Variants in LGR4 observed in about 807,000 individuals in gnomAD.
The protein encoded by LGR4 is leucine rich repeat containing G protein-coupled receptor 4.
Under a neutral mutation model 84.8 loss-of-function variants are expected in LGR4, and 44 were observed. The observed-to-expected ratio is 0.52, with a 90% CI of 0.41 to 0.67. The LOEUF is 0.67. Among genes scored for constraint, LGR4 ranks in the 30% least tolerant of loss-of-function variants. The pLI is 0.00. For synonymous variants in LGR4, 429 were observed against 434.3 expected (o/e 0.99, Z 0.15); for missense variants, 1,032 against 1,131.4 (o/e 0.91, Z 1.26).
rs565257779 is a variant in LGR4, at chr11:27,385,274, T to C, written c.596A>G (p.Asn199Ser). The change falls in exon 5 of 18, where the codon AAC becomes AGC. Residue 199 changes from asparagine (N) to serine (S), a missense_variant. Transcript: ENST00000379214. ...TTACAGAACTACCAGGCTTGAAAGG[T>C]TGGTAAATGCAAAGTCAGGGATGCT... ...ISSIPDFAFT[N>S]LSSLVVLHLH... The C allele has an allele frequency of 9.5e-6, 15 of 1,580,156 alleles. No homozygotes were observed. Among genetic ancestry groups the C allele is most frequent in the Middle Eastern group, 1.7e-4 (1 of 5,952 alleles).
chr11:27,404,673 C>T (rs1337863281), intron 2 of LGR4, among the ~76,000 whole-genome samples: 1 of 152,110 alleles, frequency 6.6e-6, no homozygotes, highest in Non-Finnish European at 1.5e-5. Context: ...AGTGATGGTG[C>T]AAGGACAGGC....
chr11:27,408,273 T>C (rs2351688), intron 2 of LGR4, among the ~76,000 whole-genome samples: 1,729 of 152,254 alleles, frequency 0.011, 29 homozygotes, highest in African/African-American at 0.04. Context: ...GTCCTACAGA[T>C]GAAACAAAAT....
chr11:27,435,783 C>T (rs899915607), intron 1 of LGR4, among the ~76,000 whole-genome samples: 2 of 151,892 alleles, frequency 1.3e-5, no homozygotes, highest in African/African-American at 4.8e-5. Context: ...CAACTGTGCC[C>T]AGCTCATCAA....
rs1455697549 is a variant in LGR4 at position 27,366,796 on chromosome 11, A to T, written c.*1071T>A. The T allele has an allele frequency of 2.0e-5, 3 of 152,212 alleles. No homozygotes were observed. Among genetic ancestry groups the T allele is most frequent in the Non-Finnish European group, 4.4e-5 (3 of 67,996 alleles). 9.4% of individuals were successfully genotyped at this position (152,212 alleles called of 1,614,324 possible). A position where few individuals can be genotyped will look rare whatever the true frequency, so the allele number is the denominator to read the frequency against. ...TATTGAATAGGCTCTTTTATAAAAA[A>T]TAGTATGGGGAAGATGTATGGAAAT... On this transcript the variant is annotated 3_prime_UTR_variant, in exon 18 of 18. Transcript: ENST00000379214.
chr11:27,432,686 AC>A (rs1258963600), intron 1 of LGR4, among the ~76,000 whole-genome samples: 1 of 151,856 alleles, frequency 6.6e-6, no homozygotes, highest in Non-Finnish European at 1.5e-5. Context: ...CTTACAGAGG[AC>A]CCCCCATTGC....
At chr11:27,376,698 T>C (rs944944483) in intron 12 of LGR4, among the ~76,000 whole-genome samples, 3 of 152,178 alleles carry the variant, frequency 2.0e-5, no homozygotes, top group Admixed American at 6.5e-5. Flanking sequence ...AGGAAGATGA[T>C]GCAGGGAGAA....
chr11:27,392,303 G>T, intron 3 of LGR4, 144 bp downstream of exon 3: 2 of 558,348 alleles, frequency 3.6e-6, no homozygotes, highest in Non-Finnish European at 6.1e-6. Flanking sequence ...TCAAACTCTG[G>T]CCTCTCATAC....
At chr11:27,438,866 C>T (rs1052258928) in intron 1 of LGR4, among the ~76,000 whole-genome samples, 2 of 152,130 alleles carry the variant, frequency 1.3e-5, no homozygotes, top group Admixed American at 6.5e-5. Context: ...GGCCTTCAGT[C>T]GTGGACTGGA....
At chr11:27,451,665 CCT>C (rs1346757685) in intron 1 of LGR4, among the ~76,000 whole-genome samples, 5 of 152,162 alleles carry the variant, frequency 3.3e-5, no homozygotes, top group Admixed American at 6.5e-5. Flanking sequence ...TCATTCATCC[CCT>C]GTTTAGATAA....
At chr11:27,380,494 A>C in intron 9 of LGR4, 146 bp downstream of exon 9, 1 of 749,056 alleles carries the variant, frequency 1.3e-6, no homozygotes, top group Admixed American at 2.9e-5. Flanking sequence ...CAAAGTATTC[A>C]CAAAAATAAG....
intron 1 of LGR4, among the ~76,000 whole-genome samples, chr11:27,435,256 C>T (rs1864188347): frequency 6.6e-6 from 1 of 151,738 alleles, no homozygotes; most frequent in Non-Finnish European, 1.5e-5. Context: ...TAGCTTGAAC[C>T]CAGGAAGCAG....
In LGR4 at chr11:27,393,116, T is replaced by C. The variant is rs1005154078; in HGVS notation, c.258-598A>G. On this transcript the variant is annotated intron_variant, in intron 2 of 17. Transcript: ENST00000379214. Reference sequence around the variant, plus strand: ...TGACAAATTCAAGTGGAGATAAAAGTAGAATAAGGAAAGGATAAGAATTCT... The same window carrying C: ...TGACAAATTCAAGTGGAGATAAAAGCAGAATAAGGAAAGGATAAGAATTCT... 3.9e-5 allele frequency among the ~76,000 whole-genome samples: 6 copies of C among 152,116 alleles called. No individual in the cohort carries two copies. In the South Asian group the frequency reaches 8.3e-4, roughly 21 times the overall value.
intron 1 of LGR4, among the ~76,000 whole-genome samples, chr11:27,445,387 T>C (rs1864373217): frequency 6.6e-6 from 1 of 152,210 alleles, no homozygotes; most frequent in Admixed American, 6.5e-5. Context: ...TATTTAAACA[T>C]TTTGTACTTC....
intron 4 of LGR4, among the ~76,000 whole-genome samples, chr11:27,389,786 G>A (rs891194662): frequency 6.6e-6 from 1 of 152,158 alleles, no homozygotes; most frequent in African/African-American, 2.4e-5. Context: ...TCCACCCGAG[G>A]TGAGAGAGTG....
intron 1 of LGR4, among the ~76,000 whole-genome samples, chr11:27,444,198 T>C (rs550747228): frequency 1.3e-5 from 2 of 152,308 alleles, no homozygotes; most frequent in South Asian, 2.1e-4. Context: ...TTAAATATTA[T>C]CATCAGTAAC....
intron 2 of LGR4, among the ~76,000 whole-genome samples, chr11:27,409,199 C>G (rs1420985356): frequency 1.3e-5 from 2 of 152,070 alleles, no homozygotes; most frequent in East Asian, 3.9e-4. Flanking sequence ...ATACATATCA[C>G]TCACAGTGTT....
At chr11:27,452,623 G>GTTTTTT (rs557477166) in intron 1 of LGR4, among the ~76,000 whole-genome samples, 6 of 119,338 alleles carry the variant, frequency 5.0e-5, no homozygotes, top group Non-Finnish European at 6.9e-5. Flanking sequence ...AACTTTTTGA[G>GTTTTTT]TTTTTTTTTT....
chr11:27,459,941 A>C (rs1039613189), intron 1 of LGR4, among the ~76,000 whole-genome samples: 1 of 152,036 alleles, frequency 6.6e-6, no homozygotes, highest in African/African-American at 2.4e-5. Flanking sequence ...AAATACAAAA[A>C]TCAGCCAAGT....
At chr11:27,442,382 T>A (rs1864318297) in intron 1 of LGR4, among the ~76,000 whole-genome samples, 1 of 152,200 alleles carries the variant, frequency 6.6e-6, no homozygotes, top group African/African-American at 2.4e-5. Flanking sequence ...GTTCAACTAA[T>A]AACTTAGTCC....
Sources: allele counts gnomAD v4.1 joint callset (sites outside exome capture counted in the v4.1 genomes callset), GRCh38; gene constraint gnomAD v4.1.1; transcripts MANE v1.5; gene names NCBI Gene and HGNC (gene_info 2026-07-23, HGNC 2026-07-21).